Variants in HNRNPM observed in about 807,000 individuals in gnomAD.
The protein encoded by HNRNPM is CEA receptor.
Under a neutral mutation model 73.1 loss-of-function variants are expected in HNRNPM, and 11 were observed. The ratio of observed to expected loss-of-function variants is 0.15; its 90% CI spans 0.09 to 0.25. The LOEUF (loss-of-function observed/expected upper bound fraction) is 0.25. HNRNPM is among the 10% of genes least tolerant of loss of function. The probability of loss-of-function intolerance (pLI) is 1.00; values close to 1 mark genes in which losing one functional copy is unlikely to be tolerated. For missense variants in HNRNPM, 789 were observed against 1,067.9 expected, an observed-to-expected ratio of 0.74 and a Z score of 3.64; for synonymous variants, 407 against 355.2, an observed-to-expected ratio of 1.15 and a Z score of -1.64.
intron 12 of HNRNPM, among the ~76,000 whole-genome samples, chr19:8,476,733 A>G (rs146726035): frequency 1.4e-4 from 21 of 152,332 alleles, no homozygotes; most frequent in African/African-American, 4.1e-4. Flanking sequence ...GTCCTTGCCA[A>G]CATGCTGATG....
chr19:8,482,041 C>T (rs527515138), intron 12 of HNRNPM, among the ~76,000 whole-genome samples: 7 of 148,652 alleles, frequency 4.7e-5, no homozygotes, highest in South Asian at 4.3e-4. Context: ...GGCACGATCT[C>T]GGCTCACTGC....
chr19:8,460,462 A>G (rs1215931829), intron 2 of HNRNPM, among the ~76,000 whole-genome samples: 2 of 152,308 alleles, frequency 1.3e-5, no homozygotes, highest in East Asian at 3.9e-4. Flanking sequence ...TGATGATACC[A>G]CTTGAGGTAA....
At chr19:8,460,235 T>G (rs890226141) in intron 2 of HNRNPM, among the ~76,000 whole-genome samples, 5 of 152,088 alleles carry the variant, frequency 3.3e-5, no homozygotes, top group African/African-American at 1.2e-4. Flanking sequence ...AATAAATCTT[T>G]GCTTTGCTAT....
chr19:8,468,903 A>G (rs569273049), intron 9 of HNRNPM, 69 bp downstream of exon 9: 9 of 1,267,664 alleles, frequency 7.1e-6, no homozygotes, highest in Middle Eastern at 1.9e-4. Context: ...AAATTACCAT[A>G]TGGTTTCACT....
intron 12 of HNRNPM, among the ~76,000 whole-genome samples, chr19:8,475,820 C>T (rs766383025): frequency 1.1e-4 from 16 of 151,648 alleles, no homozygotes; most frequent in Non-Finnish European, 1.9e-4. Flanking sequence ...GTAATCCCAA[C>T]ACTTTGGGAG....
chr19:8,450,887 G>T (rs929176266), intron 1 of HNRNPM, among the ~76,000 whole-genome samples: 1 of 150,392 alleles, frequency 6.6e-6, no homozygotes, highest in African/African-American at 2.5e-5. Flanking sequence ...CCGCCACCAT[G>T]CCCGGCTAAT....
At chr19:8,445,989 A>G (rs1405797882) in intron 1 of HNRNPM, among the ~76,000 whole-genome samples, 1 of 152,214 alleles carries the variant, frequency 6.6e-6, no homozygotes, top group African/African-American at 2.4e-5. Flanking sequence ...GTTTCTTTAA[A>G]GGAGGAAGCA....
At chr19:8,474,714 C>CT (rs59543782) in intron 12 of HNRNPM, among the ~76,000 whole-genome samples, 2,491 of 117,860 alleles carry the variant, frequency 0.021, 76 homozygotes, top group African/African-American at 0.065. Context: ...CCTCCACCAA[C>CT]TTTTTTTTTT....
In HNRNPM at chr19:8,444,983, C is replaced by A. The variant is rs747876503; in HGVS notation, c.-16C>A. 1 of 1,397,996 alleles carries A rather than the reference C, an allele frequency of 7.2e-7. No individual in the cohort carries two copies. Among genetic ancestry groups the A allele is most frequent in the African/African-American group, 1.5e-5 (1 of 66,336 alleles). 86.6% of individuals were successfully genotyped at this position (1,397,996 alleles called of 1,614,324 possible). ...GTGCAGCCCGTTCGCTCACACAAAG[C>A]CCAGACGCGGAGAAAATGGCGGCAG... On this transcript the variant is annotated 5_prime_UTR_variant, in exon 1 of 16. Coordinates refer to ENST00000325495, the MANE Select transcript of HNRNPM (RefSeq NM_005968.5).
chr19:8,452,801 G>C (rs748065259), intron 1 of HNRNPM, among the ~76,000 whole-genome samples: 6 of 152,090 alleles, frequency 3.9e-5, no homozygotes, highest in Non-Finnish European at 8.8e-5. Context: ...CTTGTGTTTG[G>C]GGACTACACA....
chr19:8,462,733 G>GA lies in HNRNPM; in HGVS notation c.336+152_336+153insA. The GA allele has an allele frequency of 1.4e-6, 1 of 706,750 alleles. No individual in the cohort carries two copies. The highest frequency in any genetic ancestry group is 2.5e-6 in the Non-Finnish European group (1 of 397,296). The allele number at this position is 706,750 out of a possible 1,614,324, so 43.8% of individuals were successfully genotyped here. ...GCCAAACATTTGAGTGGGGTGGGAGGGGATTTGCAAATGGGAGTCCCGCTT... is the reference window on the plus strand; with the variant it reads ...GCCAAACATTTGAGTGGGGTGGGAGGAGGATTTGCAAATGGGAGTCCCGCTT... On this transcript the variant is annotated intron_variant, in intron 3 of 15. Transcript: ENST00000325495. This position sits in a 1 kb window ranked among gnomAD's most constrained non-coding sequence, Gnocchi z 4.5.
chr19:8,453,897 A>G (rs1968805667), intron 1 of HNRNPM, among the ~76,000 whole-genome samples: 1 of 152,154 alleles, frequency 6.6e-6, no homozygotes, highest in Non-Finnish European at 1.5e-5. Context: ...GTGTGGTGGC[A>G]CCTAGCACAC....
intron 6 of HNRNPM, among the ~76,000 whole-genome samples, 159 bp downstream of exon 6, chr19:8,465,674 T>G (rs891240714): frequency 6.6e-6 from 1 of 152,236 alleles, no homozygotes; most frequent in Non-Finnish European, 1.5e-5. Context: ...GCGGGCTTTG[T>G]CTGCATTCCT....
At chr19:8,463,388 C>T (rs1969520841) in intron 3 of HNRNPM, 109 bp from the exon 4 acceptor site, 4 of 1,242,102 alleles carry the variant, frequency 3.2e-6, no homozygotes, top group Non-Finnish European at 4.7e-6. Context: ...AACTTTGTGA[C>T]ATAAATCATA....
intron 15 of HNRNPM, 146 bp downstream of exon 15, chr19:8,487,221 A>G (rs1459900079): frequency 1.2e-5 from 9 of 738,192 alleles, no homozygotes; most frequent in Non-Finnish European, 2.5e-6. Flanking sequence ...ATGCTCAGGC[A>G]GGTTGTTGAG....
rs762515118 is a variant in HNRNPM at position 8,486,381 on chromosome 19, G to T, written c.1953G>T (p.Lys651Asn). 6.4e-7 allele frequency: 1 copy of T among 1,572,514 alleles called. No individual in the cohort carries two copies. The highest frequency in any genetic ancestry group is 8.6e-7 in the Non-Finnish European group (1 of 1,165,798). ...AGGHAPGVARKACQIFVRNLP... is the reference protein window; with the variant it reads ...AGGHAPGVARNACQIFVRNLP... ...GCCATGCTCCTGGGGTGGCCAGGAA[G>T]GCCTGCCAGATATTTGTGAGAAATG... Residue 651 changes from lysine to asparagine, a missense_variant, in exon 14 of 16, where the codon AAG becomes AAT. Lys to Asn is a moderately conservative substitution (Grantham distance 94). Transcript: ENST00000325495.
At chr19:8,471,553 T>A (rs1970139680) in intron 10 of HNRNPM, 126 bp downstream of exon 10, 7 of 468,290 alleles carry the variant, frequency 1.5e-5, no homozygotes, top group Non-Finnish European at 2.3e-5. Flanking sequence ...CCCTCCTTAT[T>A]CATCTCTGCC....
At chr19:8,487,341 G>A in intron 15 of HNRNPM, 1 of 420,276 alleles carries the variant, frequency 2.4e-6, no homozygotes, top group South Asian at 2.4e-5. Flanking sequence ...TTTCACAGAT[G>A]AGTCAGGCAG....
intron 3 of HNRNPM, 117 bp from the exon 4 acceptor site, chr19:8,463,380 C>CT: frequency 8.4e-7 from 1 of 1,193,462 alleles, no homozygotes; most frequent in Non-Finnish European, 1.2e-6. Context: ...AAAAGACTAA[C>CT]TTTGTGACAT....
Sources: gnomAD v4.1 joint callset for allele counts (sites outside exome capture counted in the v4.1 genomes callset) on GRCh38, gnomAD v4.1.1 for gene constraint, Gnocchi (gnomAD v3.1) non-coding constraint, MANE v1.5 for transcripts, NCBI Gene and HGNC (gene_info 2026-07-23, HGNC 2026-07-21) for gene names.